ZMAT1: variants seen among roughly 807,000 people sequenced by gnomAD.
ZMAT1 encodes zinc finger matrin-type protein 1.
ZMAT1 carries 11 observed loss-of-function variants against 18.5 expected under a neutral mutation model. The observed-to-expected ratio is 0.59, with a 90% confidence interval of 0.37 to 0.98. The LOEUF is 0.98. Ranked by LOEUF, ZMAT1 falls within the 50% of genes least tolerant of loss-of-function variation. ZMAT1 has a pLI of 0.01. For synonymous variants in ZMAT1, 211 were observed against 176.4 expected (o/e 1.20, Z -1.55); for missense variants, 525 against 496.2 (o/e 1.06, Z -0.55).
intron 1 of ZMAT1, among the ~76,000 whole-genome samples, chrX:101,929,639 G>T (rs940192037): frequency 9.1e-6 from 1 of 109,785 alleles, no homozygotes; most frequent in Admixed American, 9.8e-5. Context: ...TGGTAAGAGA[G>T]AATTTTTAGG....
At chrX:101,901,818 A>G (rs1252865844) in intron 2 of ZMAT1, among the ~76,000 whole-genome samples, 3 of 112,248 alleles carry the variant, frequency 2.7e-5, no homozygotes, top group African/African-American at 9.7e-5. Context: ...TATTTTATTT[A>G]TGAGATTTAT....
At chrX:101,905,730 T>G (rs1928568097) in intron 1 of ZMAT1, among the ~76,000 whole-genome samples, 2 of 111,266 alleles carry the variant, frequency 1.8e-5, no homozygotes, top group Non-Finnish European at 3.8e-5. Flanking sequence ...CTGTCTTAAT[T>G]TTTGCAGAAA....
intron 1 of ZMAT1, among the ~76,000 whole-genome samples, chrX:101,907,338 T>A (rs975508085): frequency 8.9e-6 from 1 of 111,963 alleles, no homozygotes; most frequent in Non-Finnish European, 1.9e-5. Context: ...GATTCAGGCT[T>A]CAGGCCCAAC....
At position 101,911,218 on chromosome X, in the gene ZMAT1, T is replaced by A. The variant is rs147534129; in HGVS notation, c.293-6888A>T. On this transcript the variant is annotated intron_variant, in intron 1 of 5. Coordinates refer to ENST00000651725, the MANE Select transcript of ZMAT1 (RefSeq NM_001394560.1). ...CCTTAAACATGAAGGAGAAGTACTT[T>A]CCAAGACAAACAAATGCTGACGGAT... Among the ~76,000 whole-genome samples, 23 of 111,674 alleles carry A rather than the reference T, an allele frequency of 2.1e-4. No homozygotes were observed. In the East Asian group the frequency reaches 5.4e-3, roughly 26 times the overall value.
chrX:101,895,949 T>C, intron 4 of ZMAT1: 8 of 555,348 alleles, frequency 1.4e-5, no homozygotes, highest in South Asian at 9.2e-5. Context: ...TATTGTAAAC[T>C]ACTAGGGAAA....
In ZMAT1 at chrX:101,898,218, A is replaced by C. The variant is rs769331880; in HGVS notation, c.402T>G (p.Gly134=). The part of the protein sequence containing the change: ...FESQRISHYE[G]EKHAQNVSFY... ...AACTAACATTTTGAGCATGTTTTTCACCCTGAAAAAAGATATAATATGACT... is the reference window on the plus strand; with the variant it reads ...AACTAACATTTTGAGCATGTTTTTCCCCCTGAAAAAAGATATAATATGACT... Residue 134 remains glycine (G), a splice_region_variant and synonymous_variant, in exon 3 of 6, where the codon GGT becomes GGG. Transcript: ENST00000651725. 1 of 1,199,410 alleles carries C rather than the reference A, an allele frequency of 8.3e-7. No homozygotes were observed. Among genetic ancestry groups the C allele is most frequent in the Non-Finnish European group, 1.1e-6 (1 of 885,360 alleles).
intron 4 of ZMAT1, chrX:101,889,843 A>G (rs1927250415): frequency 8.9e-6 from 1 of 112,161 alleles, no homozygotes; most frequent in Non-Finnish European, 1.9e-5. Flanking sequence ...ATTTACTTAT[A>G]TAACGAACCT....
chrX:101,883,467 T>C lies in ZMAT1; in HGVS notation c.*43A>G. ...CCTTTTTCTAAATCCATATTGACTG[T>C]TTTTTTTTTTCAATTCAACCTTGGG... On this transcript the variant is annotated 3_prime_UTR_variant, in exon 6 of 6. Transcript: ENST00000651725. 1 of 746,807 alleles carries C rather than the reference T, an allele frequency of 1.3e-6. No individual in the cohort carries two copies. The highest frequency in any genetic ancestry group is 1.8e-6 in the Non-Finnish European group (1 of 555,308). 61.5% of individuals were successfully genotyped at this position (746,807 alleles called of 1,213,427 possible).
At chrX:101,897,783 C>G in intron 4 of ZMAT1, 85 bp downstream of exon 4, 1 of 816,172 alleles carries the variant, frequency 1.2e-6, no homozygotes, top group Non-Finnish European at 1.7e-6. Context: ...TGAAAGTCTC[C>G]CCCACTAAAA....
At chrX:101,915,350 A>AAT (rs1461950629) in intron 1 of ZMAT1, among the ~76,000 whole-genome samples, 91 of 55,794 alleles carry the variant, frequency 1.6e-3, no homozygotes, top group South Asian at 8.3e-3. Context: ...TCAAACAAAA[A>AAT]ATATATATAT....
At chrX:101,892,558 G>C (rs1927491701) in intron 4 of ZMAT1, 1 of 128,168 alleles carries the variant, frequency 7.8e-6, no homozygotes, top group East Asian at 2.7e-4. Context: ...AGAAAACTTG[G>C]GAAATTCAAG....
intron 1 of ZMAT1, among the ~76,000 whole-genome samples, chrX:101,929,703 C>G (rs367654336): frequency 9.1e-6 from 1 of 110,087 alleles, no homozygotes. Context: ...AACACTAACT[C>G]AACATAGATC....
chrX:101,912,563 T>C (rs1929039039), intron 1 of ZMAT1, among the ~76,000 whole-genome samples: 1 of 111,955 alleles, frequency 8.9e-6, no homozygotes, highest in African/African-American at 3.3e-5. Context: ...ACGGTGCAGG[T>C]TGACTCTGAT....
chrX:101,899,665 C>T (rs991820402), intron 2 of ZMAT1, among the ~76,000 whole-genome samples: 2 of 112,420 alleles, frequency 1.8e-5, no homozygotes, highest in African/African-American at 6.5e-5. Flanking sequence ...AGTGGTATTC[C>T]AGTGTATATA....
At chrX:101,904,475 G>T in intron 1 of ZMAT1, 145 bp from the exon 2 acceptor site, 1 of 444,622 alleles carries the variant, frequency 2.2e-6, no homozygotes, top group Non-Finnish European at 3.8e-6. Flanking sequence ...TTGTTCGAGT[G>T]TGCAATTTAA....
chrX:101,905,693 C>T (rs1364718244), intron 1 of ZMAT1, among the ~76,000 whole-genome samples: 1 of 111,490 alleles, frequency 9.0e-6, no homozygotes, highest in African/African-American at 3.3e-5. Flanking sequence ...CAAGGAGAGA[C>T]AACTTAATGT....
chrX:101,895,586 T>G (rs1184581919), intron 4 of ZMAT1, among the ~76,000 whole-genome samples: 2 of 111,736 alleles, frequency 1.8e-5, no homozygotes. Context: ...GATAATTTTA[T>G]GTTTACCATT....
intron 1 of ZMAT1, among the ~76,000 whole-genome samples, chrX:101,929,043 T>C (rs917063859): frequency 2.7e-5 from 3 of 109,823 alleles, no homozygotes; most frequent in South Asian, 3.8e-4. Flanking sequence ...GTTCTATTTC[T>C]AGGTTTACTG....
intron 1 of ZMAT1, among the ~76,000 whole-genome samples, chrX:101,912,804 A>G (rs1418276498): frequency 6.2e-5 from 7 of 112,042 alleles, no homozygotes; most frequent in African/African-American, 1.6e-4. Flanking sequence ...ATTAATCTTT[A>G]TATACAATGA....
Sources: gnomAD v4.1 joint callset for allele counts (sites outside exome capture counted in the v4.1 genomes callset) on GRCh38, gnomAD v4.1.1 for gene constraint, MANE v1.5 for transcripts, NCBI Gene and HGNC (gene_info 2026-07-23, HGNC 2026-07-21) for gene names.